The following SCMH1 variants were observed in gnomAD, a reference collection of about 807,000 sequenced individuals.
The protein encoded by SCMH1 is polycomb protein SCMH1.
Under a neutral mutation model 70.8 loss-of-function variants are expected in SCMH1, and 37 were observed. That is an observed-to-expected ratio of 0.52 (90% CI 0.40 to 0.69). SCMH1 has a LOEUF of 0.69. SCMH1 is among the 30% of genes least tolerant of loss of function. SCMH1 has a pLI of 0.00. For missense variants in SCMH1, 607 were observed against 827.3 expected (o/e 0.73, Z 3.27); for synonymous variants, 292 against 307.4 (o/e 0.95, Z 0.52).
intron 8 of SCMH1, among the ~76,000 whole-genome samples, chr1:41,091,132 C>T (rs1417201428): frequency 6.6e-6 from 1 of 151,748 alleles, no homozygotes; most frequent in Non-Finnish European, 1.5e-5. Context: ...TGCAAAAATC[C>T]TCAATAAAAT....
chr1:41,101,109 C>T (rs11209524), intron 8 of SCMH1, among the ~76,000 whole-genome samples: 11,847 of 151,446 alleles, frequency 0.078, 590 homozygotes, highest in South Asian at 0.13. Context: ...AAAAAAAGAC[C>T]TAGGGAAACA....
intron 6 of SCMH1, among the ~76,000 whole-genome samples, chr1:41,122,859 T>A (rs1228575721): frequency 1.3e-5 from 2 of 152,190 alleles, no homozygotes; most frequent in African/African-American, 4.8e-5. Flanking sequence ...CTCCCAAGAC[T>A]ATGGGACCAC....
Position 41,173,323 on chromosome 1 carries a change from T to C in SCMH1, c.14-11891A>G, listed in dbSNP as rs532235796. Among the ~76,000 whole-genome samples the C allele has an allele frequency of 1.3e-3, 195 of 152,204 alleles. 1 individual carries two copies. The highest frequency in any genetic ancestry group is 1.8e-3 in the Non-Finnish European group (125 of 68,002). On this transcript the variant is annotated intron_variant, in intron 2 of 14. Coordinates refer to ENST00000337495, the Ensembl canonical transcript of SCMH1. The stretch of plus-strand genomic sequence containing the variant: ...AAACAAAATGAGCTGAATAAGTATC[T>C]CTCAAAAGAAGACATAGAAATGGCT...
chr1:41,190,848 A>G (rs1446304510), intron 1 of SCMH1, among the ~76,000 whole-genome samples: 1 of 152,106 alleles, frequency 6.6e-6, no homozygotes, highest in Admixed American at 6.5e-5. Context: ...GGCACTTTAC[A>G]TACCTTACAT....
intron 10 of SCMH1, 97 bp downstream of exon 10, chr1:41,070,498 A>T: frequency 7.0e-7 from 1 of 1,429,048 alleles, no homozygotes; most frequent in Non-Finnish European, 9.4e-7. Flanking sequence ...ACCTAGGTTT[A>T]CAAGTGGAAA....
intron 10 of SCMH1, among the ~76,000 whole-genome samples, chr1:41,053,875 T>C (rs1220047600): frequency 1.3e-5 from 2 of 151,940 alleles, no homozygotes; most frequent in Admixed American, 6.6e-5. Flanking sequence ...GACAGAGTCT[T>C]GCTCTGTCGC....
At chr1:41,049,109 A>C (rs1325622336) in intron 10 of SCMH1, among the ~76,000 whole-genome samples, 1 of 152,212 alleles carries the variant, frequency 6.6e-6, no homozygotes, top group Non-Finnish European at 1.5e-5. Context: ...AGTCTGTGGG[A>C]AGACTGGAAG....
At chr1:41,205,949 AG>A (rs1392402391) in intron 1 of SCMH1, among the ~76,000 whole-genome samples, 4 of 152,254 alleles carry the variant, frequency 2.6e-5, no homozygotes, top group African/African-American at 9.6e-5. Flanking sequence ...CCTGCAGCTG[AG>A]GGACCTGTTA....
At position 41,067,471 on chromosome 1, in the gene SCMH1, A is replaced by C. The variant is rs961625671; in HGVS notation, c.1105+3124T>G. 4.6e-4 allele frequency among the ~76,000 whole-genome samples: 69 copies of C among 151,564 alleles called. No homozygotes were observed. The South Asian group carries it at 7.7e-3, about 17-fold the overall frequency. On this transcript the variant is annotated intron_variant, in intron 10 of 14. Transcript: ENST00000337495. ...CAACAACAACAACAAAAAAAAAAAA[A>C]AAAAAAAAAAGAGCTATCAAGACAT... is the stretch of plus-strand genomic sequence containing the variant.
chr1:41,070,591 T>C lies in SCMH1; in HGVS notation c.1105+4A>G. 1.2e-6 allele frequency: 2 copies of C among 1,614,130 alleles called. No individual in the cohort carries two copies. The highest frequency in any genetic ancestry group is 1.7e-6 in the Non-Finnish European group (2 of 1,179,974). ...GCGCAGGTAGTCCTGTCATCTGCTC[T>C]TACCTGTTGGGGCCTGCATGGCTGA... On this transcript the variant is annotated splice_donor_region_variant and intron_variant, in intron 10 of 14. Transcript: ENST00000337495.
At chr1:41,128,180 C>T (rs1235384117) in intron 6 of SCMH1, among the ~76,000 whole-genome samples, 2 of 152,118 alleles carry the variant, frequency 1.3e-5, no homozygotes, top group East Asian at 1.9e-4. Context: ...GCACATTGCT[C>T]TTCTTTTTTA....
chr1:41,232,618 C>T (rs1017821848), intron 1 of SCMH1, among the ~76,000 whole-genome samples: 1 of 152,114 alleles, frequency 6.6e-6, no homozygotes, highest in African/African-American at 2.4e-5. Flanking sequence ...ATAATCTTGG[C>T]CAGCTATCTC....
intron 1 of SCMH1, among the ~76,000 whole-genome samples, chr1:41,195,958 T>C (rs968726896): frequency 2.0e-5 from 3 of 152,082 alleles, no homozygotes; most frequent in African/African-American, 7.2e-5. Context: ...AATAATTCCA[T>C]TTAAATAGTA....
At chr1:41,088,055 G>A (rs1662274954) in intron 8 of SCMH1, among the ~76,000 whole-genome samples, 2 of 151,482 alleles carry the variant, frequency 1.3e-5, no homozygotes, top group South Asian at 4.2e-4. Flanking sequence ...CAATGGAGTA[G>A]TCTACAGCTT....
At chr1:41,180,174 C>T (rs538494361) in intron 2 of SCMH1, among the ~76,000 whole-genome samples, 39 of 152,262 alleles carry the variant, frequency 2.6e-4, no homozygotes, top group African/African-American at 9.1e-4. Context: ...ACACTTCATG[C>T]TAAAAACTCT....
intron 6 of SCMH1, among the ~76,000 whole-genome samples, chr1:41,134,067 T>A (rs1468433942): frequency 1.3e-5 from 2 of 152,008 alleles, no homozygotes; most frequent in African/African-American, 4.8e-5. Flanking sequence ...CAGCAGCACA[T>A]CAAAAAGCGT....
intron 10 of SCMH1, among the ~76,000 whole-genome samples, chr1:41,051,219 C>A (rs1194276310): frequency 3.3e-5 from 5 of 152,134 alleles, no homozygotes; most frequent in African/African-American, 1.2e-4. Context: ...AAAGTCATAG[C>A]ACAATGCATT....
chr1:41,066,739 T>C (rs1423055615), intron 10 of SCMH1, among the ~76,000 whole-genome samples: 1 of 151,918 alleles, frequency 6.6e-6, no homozygotes, highest in African/African-American at 2.4e-5. Context: ...CACATCAGCG[T>C]GCCCAGCTGG....
At chr1:41,137,676 T>C (rs187853939) in intron 6 of SCMH1, among the ~76,000 whole-genome samples, 144 of 152,310 alleles carry the variant, frequency 9.5e-4, no homozygotes, top group Non-Finnish European at 1.6e-3. Flanking sequence ...CTGAGCACCA[T>C]AGAGGGGAGT....
Sources: gnomAD v4.1 joint callset for allele counts (sites outside exome capture counted in the v4.1 genomes callset) on GRCh38, gnomAD v4.1.1 for gene constraint, MANE v1.5 for transcripts, NCBI Gene and HGNC (gene_info 2026-07-23, HGNC 2026-07-21) for gene names.